SDK1: variants seen among roughly 807,000 people sequenced by gnomAD.
The protein encoded by SDK1 is sidekick cell adhesion molecule 1.
In SDK1, 157 loss-of-function variants were observed where a neutral mutation model predicts 245.5. The ratio of observed to expected loss-of-function variants is 0.64; its 90% CI spans 0.56 to 0.73. The LOEUF is 0.73. Among genes scored for constraint, SDK1 ranks in the 30% least tolerant of loss-of-function variants. The pLI, the probability that SDK1 is intolerant of heterozygous loss-of-function variation, is 0.00. For synonymous variants in SDK1, 1,647 were observed against 1,278.5 expected (o/e 1.29, Z -6.15); for missense variants, 3,583 against 3,002.3 (o/e 1.19, Z -4.52).
intron 1 of SDK1, among the ~76,000 whole-genome samples, chr7:3,320,995 C>T (rs1779788540): frequency 6.6e-6 from 1 of 152,100 alleles, no homozygotes; most frequent in Non-Finnish European, 1.5e-5. Context: ...AATCGTGAAG[C>T]TCAGTTTCTG....
chr7:3,933,123 C>CTT (rs11364780), intron 5 of SDK1, among the ~76,000 whole-genome samples: 2,380 of 83,208 alleles, frequency 0.029, 188 homozygotes, highest in African/African-American at 0.089. Flanking sequence ...GCTCCTGGAT[C>CTT]TTTTTTTTTT....
chr7:3,750,272 A>G (rs777262829), intron 4 of SDK1, among the ~76,000 whole-genome samples: 3 of 152,234 alleles, frequency 2.0e-5, no homozygotes, highest in Non-Finnish European at 4.4e-5. Flanking sequence ...GGACTGGGAA[A>G]GAGGTGTTAA....
intron 43 of SDK1, among the ~76,000 whole-genome samples, chr7:4,244,570 T>G (rs1206780729): frequency 6.6e-6 from 1 of 152,232 alleles, no homozygotes; most frequent in Non-Finnish European, 1.5e-5. Flanking sequence ...GTACTCATTT[T>G]CTATCGCTGC....
intron 5 of SDK1, among the ~76,000 whole-genome samples, chr7:3,901,690 C>T (rs1295723412): frequency 6.6e-6 from 1 of 152,192 alleles, no homozygotes; most frequent in African/African-American, 2.4e-5. Context: ...TGTTTCTTAA[C>T]ACTCTTTACT....
At chr7:3,431,865 ATT>A (rs11450888) in intron 1 of SDK1, among the ~76,000 whole-genome samples, 1 of 150,202 alleles carries the variant, frequency 6.7e-6, no homozygotes. Context: ...ATCAGGAGTG[ATT>A]TTTTTTTTAA....
chr7:4,265,854 C>A lies in SDK1; in HGVS notation c.*470C>A. On this transcript the variant is annotated 3_prime_UTR_variant, in exon 45 of 45. Coordinates refer to ENST00000404826, the MANE Select transcript of SDK1 (RefSeq NM_152744.4). ...CACCCTTCTCAACGCAGGACATCCT[C>A]GGCGGCTCCTGGGGTTTGAAGAGCA... 1.0e-6 allele frequency: 1 copy of A among 989,668 alleles called. No individual in the cohort carries two copies. The highest frequency in any genetic ancestry group is 1.2e-6 in the Non-Finnish European group (1 of 833,146). The allele number at this position is 989,668 out of a possible 1,614,324, so 61.3% of individuals were successfully genotyped here. A position where few individuals can be genotyped will look rare whatever the true frequency, so the allele number is the denominator to read the frequency against.
At chr7:3,997,222 G>A (rs534525326) in intron 14 of SDK1, among the ~76,000 whole-genome samples, 1 of 152,124 alleles carries the variant, frequency 6.6e-6, no homozygotes, top group Non-Finnish European at 1.5e-5. Context: ...GGTTTTGTCC[G>A]AGTTCTCGTC....
chr7:3,995,227 C>T (rs188872089), intron 14 of SDK1, among the ~76,000 whole-genome samples: 37 of 152,352 alleles, frequency 2.4e-4, no homozygotes, highest in Admixed American at 7.8e-4. Flanking sequence ...TGCCACTGCA[C>T]CTTTGCTCAC....
chr7:3,614,511 A>G (rs769953848), intron 1 of SDK1, among the ~76,000 whole-genome samples: 40 of 152,208 alleles, frequency 2.6e-4, no homozygotes, highest in South Asian at 8.3e-4. Flanking sequence ...TTTATGAATC[A>G]TTTCAGGATG....
chr7:3,668,820 C>G (rs753346717), intron 4 of SDK1, among the ~76,000 whole-genome samples: 2 of 152,124 alleles, frequency 1.3e-5, no homozygotes, highest in African/African-American at 4.8e-5. Flanking sequence ...ACTATATTGC[C>G]TTTTATGATG....
intron 4 of SDK1, among the ~76,000 whole-genome samples, chr7:3,749,393 A>G (rs1196259262): frequency 6.6e-6 from 1 of 151,854 alleles, no homozygotes; most frequent in Non-Finnish European, 1.5e-5. Flanking sequence ...TCTGCCTCCC[A>G]GGTTCAAGCA....
chr7:4,178,322 G>T (rs1047302860), intron 34 of SDK1, among the ~76,000 whole-genome samples, 163 bp from the exon 35 acceptor site: 2 of 152,072 alleles, frequency 1.3e-5, no homozygotes, highest in African/African-American at 4.8e-5. Flanking sequence ...GAGAAGGAGG[G>T]TGCCCCGGTC....
chr7:3,685,099 G>A (rs188777190), intron 4 of SDK1, among the ~76,000 whole-genome samples: 69 of 152,180 alleles, frequency 4.5e-4, no homozygotes, highest in Middle Eastern at 6.8e-3. Flanking sequence ...CAGCATCTCC[G>A]ATTTGGTAAA....
At chr7:3,925,102 G>A (rs540169412) in intron 5 of SDK1, among the ~76,000 whole-genome samples, 1 of 152,152 alleles carries the variant, frequency 6.6e-6, no homozygotes, top group African/African-American at 2.4e-5. Flanking sequence ...TCCTCAGCGT[G>A]TAATAAAACA....
chr7:4,011,167 C>A (rs1785927260), intron 15 of SDK1, 54 bp downstream of exon 15: 4 of 1,582,916 alleles, frequency 2.5e-6, no homozygotes, highest in African/African-American at 1.3e-5. Flanking sequence ...GCCTGAATGC[C>A]AAAGAGAAGC....
intron 25 of SDK1, 54 bp from the exon 26 acceptor site, chr7:4,127,327 G>C (rs77297762): frequency 9.2e-6 from 12 of 1,309,096 alleles, no homozygotes; most frequent in Non-Finnish European, 1.2e-5. Flanking sequence ...CTGGATCTTT[G>C]TATGTAGACA....
chr7:3,596,809 T>C (rs1781082793), intron 1 of SDK1, among the ~76,000 whole-genome samples: 1 of 152,196 alleles, frequency 6.6e-6, no homozygotes, highest in African/African-American at 2.4e-5. Context: ...GAGTAACTCA[T>C]GCTGCCACAT....
chr7:3,516,964 T>C (rs1286935720), intron 1 of SDK1, among the ~76,000 whole-genome samples: 1 of 152,178 alleles, frequency 6.6e-6, no homozygotes, highest in Non-Finnish European at 1.5e-5. Context: ...ACCAGATACT[T>C]TATCTTTTTG....
chr7:3,951,895 G>A lies in SDK1; in HGVS notation c.1125G>A (p.Arg375=), dbSNP rs757966785. 1.9e-5 allele frequency: 30 copies of A among 1,613,050 alleles called. No individual in the cohort carries two copies. The highest frequency in any genetic ancestry group is 8.3e-5 in the Admixed American group (5 of 59,884). Residue 375 remains arginine, a synonymous_variant, in exon 7 of 45, where the codon AGG becomes AGA. Transcript: ENST00000404826. ...CGGGGAGCGCTTTTGAACCGGCCAG[G>A]GCGACGGCCTTTCTTTTCATCATAG... is the stretch of plus-strand genomic sequence containing the variant. ...ALPGSAFEPA[R]ATAFLFIIEP... is the part of the protein sequence containing the mutation.
Sources: allele counts gnomAD v4.1 joint callset (sites outside exome capture counted in the v4.1 genomes callset), GRCh38; gene constraint gnomAD v4.1.1; transcripts MANE v1.5; gene names NCBI Gene and HGNC (gene_info 2026-07-23, HGNC 2026-07-21).